Variants in MIPOL1 observed in about 807,000 individuals in gnomAD.
MIPOL1 encodes mirror-image polydactyly gene 1 protein.
A neutral mutation model predicts 60.9 loss-of-function variants in MIPOL1; 57 were observed. That is an observed-to-expected ratio of 0.94 (90% CI 0.76 to 1.17). The LOEUF (loss-of-function observed/expected upper bound fraction) is 1.17, where lower values mean the gene tolerates loss of function less well. Among genes scored for constraint, MIPOL1 ranks in the 50% most tolerant of loss-of-function variants. The pLI is 0.00. For synonymous variants in MIPOL1, 179 were observed against 168.8 expected, an observed-to-expected ratio of 1.06 and a Z score of -0.47; for missense variants, 551 against 511.6, an observed-to-expected ratio of 1.08 and a Z score of -0.74.
At chr14:37,538,636 C>T (rs997444981) in intron 12 of MIPOL1, among the ~76,000 whole-genome samples, 1 of 152,148 alleles carries the variant, frequency 6.6e-6, no homozygotes, top group Non-Finnish European at 1.5e-5. Context: ...GTGCTCCACC[C>T]TTTGAATCTG....
At chr14:37,223,035 A>G (rs1969079142) in intron 1 of MIPOL1, among the ~76,000 whole-genome samples, 1 of 152,094 alleles carries the variant, frequency 6.6e-6, no homozygotes, top group Non-Finnish European at 1.5e-5. Context: ...GGCCACACTT[A>G]CTTTTTTTTC....
chr14:37,240,059 G>T (rs916182258), intron 1 of MIPOL1, among the ~76,000 whole-genome samples: 1 of 151,994 alleles, frequency 6.6e-6, no homozygotes, highest in East Asian at 1.9e-4. Flanking sequence ...TTACTCTGTC[G>T]CCCAGGCTGG....
chr14:37,443,811 G>T (rs2094290609), intron 11 of MIPOL1, among the ~76,000 whole-genome samples: 1 of 151,294 alleles, frequency 6.6e-6, no homozygotes. Flanking sequence ...ATATATAAAG[G>T]GTACTGCAGC....
In MIPOL1 at chr14:37,435,241, G is replaced by A. The variant is rs2094145504; in HGVS notation, c.1031+12292G>A. ...TCTTGGTTCACTCCAGCCACACTAG[G>A]TTCCTTAATAACTCAAATATTCTAG... On this transcript the variant is annotated intron_variant, in intron 11 of 12. Coordinates refer to ENST00000684589, the MANE Select transcript of MIPOL1 (RefSeq NM_001388067.1). Among the ~76,000 whole-genome samples the A allele has an allele frequency of 1.3e-5, 2 of 152,056 alleles. 1 individual carries two copies. The highest frequency in any genetic ancestry group is 4.2e-4 in the South Asian group (2 of 4,816).
chr14:37,294,236 G>T (rs1241515874), intron 7 of MIPOL1, among the ~76,000 whole-genome samples: 1 of 152,204 alleles, frequency 6.6e-6, no homozygotes, highest in African/African-American at 2.4e-5. Flanking sequence ...CAACAGACCT[G>T]CAGCTCAGGG....
chr14:37,206,880 A>G (rs1207214120), intron 1 of MIPOL1, among the ~76,000 whole-genome samples: 1 of 152,046 alleles, frequency 6.6e-6, no homozygotes, highest in East Asian at 1.9e-4. Flanking sequence ...GGCTGTATTT[A>G]CCCAATGCCT....
At chr14:37,552,280 G>A (rs1213920000), downstream of MIPOL1, 2 of 152,010 alleles carry the variant, frequency 1.3e-5, no homozygotes, top group Non-Finnish European at 2.9e-5. Context: ...GCACATAATT[G>A]TAATTTTTTT....
Position 37,342,402 on chromosome 14 carries a change from A to T in MIPOL1, c.829-27115A>T, listed in dbSNP as rs536913354. 2.0e-5 allele frequency among the ~76,000 whole-genome samples: 3 copies of T among 151,876 alleles called. No individual in the cohort carries two copies. The South Asian group carries it at 6.2e-4, about 32-fold the overall frequency. ...AAGAATTATTCTGAAATACATGCAA[A>T]TCACAATTTTTTTTTTTTGGAATCT... On this transcript the variant is annotated intron_variant, in intron 9 of 12. Transcript: ENST00000684589.
At chr14:37,361,582 A>G (rs1400620337) in intron 9 of MIPOL1, among the ~76,000 whole-genome samples, 3 of 120,078 alleles carry the variant, frequency 2.5e-5, no homozygotes, top group Non-Finnish European at 3.5e-5. Context: ...CCATTATGTG[A>G]TGGCCTTTTT....
At chr14:37,417,693 CTT>C (rs1489890958) in intron 10 of MIPOL1, among the ~76,000 whole-genome samples, 2 of 152,094 alleles carry the variant, frequency 1.3e-5, no homozygotes, top group East Asian at 1.9e-4. Context: ...AATCATCTAA[CTT>C]GATGTATTGT....
rs2087796741 is a variant in MIPOL1 at position 37,315,689 on chromosome 14, C to T, written c.828+7170C>T. 3.3e-5 allele frequency among the ~76,000 whole-genome samples: 5 copies of T among 152,192 alleles called. No individual in the cohort carries two copies. The South Asian group carries it at 1.0e-3, about 32-fold the overall frequency. On this transcript the variant is annotated intron_variant, in intron 9 of 12. Transcript: ENST00000684589. ...GGAAGTTTCTTTGGGGTGGGATCAA[C>T]ATATTTTGGGAGGGGTATGACATTC...
At chr14:37,497,897 G>T (rs1319796903) in intron 11 of MIPOL1, among the ~76,000 whole-genome samples, 1 of 152,136 alleles carries the variant, frequency 6.6e-6, no homozygotes, top group Non-Finnish European at 1.5e-5. Context: ...TATTATCATT[G>T]TACTAAATCT....
chr14:37,391,369 A>T (rs550882749), intron 10 of MIPOL1, among the ~76,000 whole-genome samples: 1 of 151,444 alleles, frequency 6.6e-6, no homozygotes, highest in East Asian at 2.0e-4. Context: ...TGTGTTTGGA[A>T]ATATTAAAAT....
intron 12 of MIPOL1, among the ~76,000 whole-genome samples, chr14:37,517,041 G>A (rs2095374694): frequency 6.6e-6 from 1 of 152,008 alleles, no homozygotes; most frequent in Non-Finnish European, 1.5e-5. Context: ...AAGTTAAAGG[G>A]GAGGCAACTT....
At chr14:37,262,369 C>T (rs2082573582) in intron 3 of MIPOL1, among the ~76,000 whole-genome samples, 1 of 151,894 alleles carries the variant, frequency 6.6e-6, no homozygotes, top group Non-Finnish European at 1.5e-5. Context: ...TGTGGAACTA[C>T]TGTAGAAATT....
chr14:37,295,478 C>T lies in MIPOL1; in HGVS notation c.623+10031C>T, dbSNP rs11845344. The stretch of plus-strand genomic sequence containing the variant: ...AATCCTAACCTTAAATGTAAATGGG[C>T]TAAATGCTCCAATTAAAAGGCACAG... On this transcript the variant is annotated intron_variant, in intron 7 of 12. Coordinates refer to ENST00000684589, the MANE Select transcript of MIPOL1 (RefSeq NM_001388067.1). Among the ~76,000 whole-genome samples, 415 of 152,220 alleles carry T rather than the reference C, an allele frequency of 2.7e-3. 3 individuals carry two copies. The highest frequency in any genetic ancestry group is 9.7e-3 in the African/African-American group (404 of 41,536).
intron 12 of MIPOL1, among the ~76,000 whole-genome samples, chr14:37,517,762 A>G (rs757706881): frequency 4.6e-5 from 7 of 152,224 alleles, no homozygotes; most frequent in Non-Finnish European, 8.8e-5. Flanking sequence ...ACTGAAAAAA[A>G]TCAAGTGCTT....
At chr14:37,397,127 G>A (rs2093386324) in intron 10 of MIPOL1, 1 of 152,204 alleles carries the variant, frequency 6.6e-6, no homozygotes, top group South Asian at 2.1e-4. Flanking sequence ...GAGAGTCTAG[G>A]GCTGAAGACT....
intron 11 of MIPOL1, among the ~76,000 whole-genome samples, chr14:37,498,183 CT>C (rs960552622): frequency 6.6e-6 from 1 of 151,964 alleles, no homozygotes; most frequent in African/African-American, 2.4e-5. Context: ...TAGTACTTAC[CT>C]TTTGGGGAGG....
Sources: allele counts gnomAD v4.1 joint callset (sites outside exome capture counted in the v4.1 genomes callset), GRCh38; gene constraint gnomAD v4.1.1; transcripts MANE v1.5; gene names NCBI Gene and HGNC (gene_info 2026-07-23, HGNC 2026-07-21).